GPR37L1: variants seen among roughly 807,000 people sequenced by gnomAD.
GPR37L1 encodes G protein-coupled receptor 37 like 1, also known as G protein-coupled receptor 37-like 1.
In GPR37L1, 18 loss-of-function variants were observed where a neutral mutation model predicts 18.0. That is an observed-to-expected ratio of 1.00 (90% confidence interval 0.69 to 1.49). GPR37L1 has a LOEUF of 1.49. Ranked by LOEUF, GPR37L1 falls within the 40% of genes most tolerant of loss-of-function variation. GPR37L1 has a pLI of 0.00. For synonymous variants in GPR37L1, 256 were observed against 273.9 expected (o/e 0.93, Z 0.65); for missense variants, 558 against 615.1 (o/e 0.91, Z 0.98).
chr1:202,126,463 G>A (rs905819907), intron 1 of GPR37L1, among the ~76,000 whole-genome samples: 1 of 151,902 alleles, frequency 6.6e-6, no homozygotes, highest in African/African-American at 2.4e-5. Flanking sequence ...CTGTGCCTCT[G>A]CAGGCCTGGG....
At chr1:202,125,135 CAG>C (rs1459708743) in intron 1 of GPR37L1, among the ~76,000 whole-genome samples, 1 of 100,128 alleles carries the variant, frequency 1.0e-5, no homozygotes, top group African/African-American at 4.6e-5. Flanking sequence ...GCCTGGGTGA[CAG>C]AGTGAAATTC....
chr1:202,126,852 T>TGTGTGTGTGTGTGTGTGTGC (rs1227969321), intron 1 of GPR37L1, among the ~76,000 whole-genome samples: 2 of 151,574 alleles, frequency 1.3e-5, no homozygotes, highest in African/African-American at 4.8e-5. Flanking sequence ...TGTGTGTGTG[T>TGTGTGTGTGTGTGTGTGTGC]GTGTGTGTGT....
At chr1:202,126,838 C>CGT (rs111909066) in intron 1 of GPR37L1, among the ~76,000 whole-genome samples, 15,161 of 146,232 alleles carry the variant, frequency 0.1, 1,010 homozygotes, top group African/African-American at 0.19. Context: ...CAGAAACGTG[C>CGT]GTGTGTGTGT....
At chr1:202,125,878 C>A (rs546470055) in intron 1 of GPR37L1, among the ~76,000 whole-genome samples, 1 of 152,150 alleles carries the variant, frequency 6.6e-6, no homozygotes, top group Non-Finnish European at 1.5e-5. Flanking sequence ...TGTGGTACCA[C>A]GCCCGGCTAA....
In GPR37L1 at chr1:202,131,155, G is replaced by C. The variant is rs4950770; in HGVS notation, c.*2599G>C. 19,065 of 152,218 alleles carry C rather than the reference G, an allele frequency of 0.13. 1,808 individuals are homozygous for C. Among genetic ancestry groups the C allele is most frequent in the East Asian group, 0.34 (1,745 of 5,150 alleles). The allele number at this position is 152,218 out of a possible 1,614,324, so 9.4% of individuals were successfully genotyped here. A position where few individuals can be genotyped will look rare whatever the true frequency, so the allele number is the denominator to read the frequency against. On this transcript the variant is annotated 3_prime_UTR_variant, in exon 2 of 2. Transcript: ENST00000367282. ...TGGGCAGTGGACTTGAGCTGGGATG[G>C]TCTGAGGGGGCACTGACACGCTCAC...
In GPR37L1 at chr1:202,130,468, G is replaced by C. The variant is rs1019780209; in HGVS notation, c.*1912G>C. ...CTCCCCCTCTCCTGGGGATCTTAAC[G>C]GCCTTGTTCTCTCTCCCTGGCACCC... is the stretch of plus-strand genomic sequence containing the variant. On this transcript the variant is annotated 3_prime_UTR_variant, in exon 2 of 2. Coordinates refer to ENST00000367282, the MANE Select transcript of GPR37L1 (RefSeq NM_004767.5). 6.6e-6 allele frequency: 1 copy of C among 152,346 alleles called. No individual in the cohort carries two copies. Among genetic ancestry groups the C allele is most frequent in the Non-Finnish European group, 1.5e-5 (1 of 68,150 alleles). 9.4% of individuals were successfully genotyped at this position (152,346 alleles called of 1,614,324 possible).
Position 202,132,884 on chromosome 1 carries a change from A to T in GPR37L1, c.*4328A>T, listed in dbSNP as rs549198760. On this transcript the variant is annotated 3_prime_UTR_variant, in exon 2 of 2. Coordinates refer to ENST00000367282, the MANE Select transcript of GPR37L1 (RefSeq NM_004767.5). ...TAACTGAGAGGCAGCAAAGGCGGTGACACTCCCCCAGGCTCTGTGGGCCCA... is the reference window on the plus strand; with the variant it reads ...TAACTGAGAGGCAGCAAAGGCGGTGTCACTCCCCCAGGCTCTGTGGGCCCA... 2 of 152,524 alleles carry T rather than the reference A, an allele frequency of 1.3e-5. No homozygotes were observed. The highest frequency in any genetic ancestry group is 3.9e-4 in the East Asian group (2 of 5,168). 9.4% of individuals were successfully genotyped at this position (152,524 alleles called of 1,614,324 possible). A position where few individuals can be genotyped will look rare whatever the true frequency, so the allele number is the denominator to read the frequency against.
chr1:202,128,599 C>A lies in GPR37L1; in HGVS notation c.*43C>A. ...GGAGGGAGGGAGAGGCCGCCACCCC[C>A]GCCGGTGTCTGCTGTTCTTTCCCCA... On this transcript the variant is annotated 3_prime_UTR_variant, in exon 2 of 2. Transcript: ENST00000367282. 2 of 1,160,976 alleles carry A rather than the reference C, an allele frequency of 1.7e-6. No homozygotes were observed. Among genetic ancestry groups the A allele is most frequent in the Non-Finnish European group, 1.2e-6 (1 of 817,538 alleles). 71.9% of individuals were successfully genotyped at this position (1,160,976 alleles called of 1,614,324 possible).
At position 202,123,044 on chromosome 1, in the gene GPR37L1, C is replaced by T. The variant is rs529894072; in HGVS notation, c.81C>T (p.Pro27=). Residue 27 remains proline (P), a synonymous_variant, in exon 1 of 2, where the codon CCC becomes CCT. Coordinates refer to ENST00000367282, the MANE Select transcript of GPR37L1 (RefSeq NM_004767.5). ...VGLSRVSGGA[P]LHLGRHRAET... is the part of the protein sequence containing the mutation. ...TAAGCAGGGTCTCTGGGGGTGCCCC[C>T]CTGCACCTGGGCAGGCACAGAGCCG... 1.0e-4 allele frequency: 166 copies of T among 1,613,662 alleles called. 3 individuals carry two copies. In the South Asian group the frequency reaches 1.3e-3, roughly 13 times the overall value.
Position 202,123,036 on chromosome 1 carries a change from G to A in GPR37L1, c.73G>A (p.Gly25Ser), listed in dbSNP as rs145080702. Residue 25 changes from glycine to serine, a missense_variant, in exon 1 of 2, where the codon GGT becomes AGT. Physicochemically the swap from Gly to Ser is moderately conservative, Grantham distance 56 (BLOSUM62 0). Transcript: ENST00000367282. ...TGTGGGGCTAAGCAGGGTCTCTGGG[G>A]GTGCCCCCCTGCACCTGGGCAGGCA... is the stretch of plus-strand genomic sequence containing the variant. ...LAVGLSRVSGGAPLHLGRHRA... is the reference protein window; with the variant it reads ...LAVGLSRVSGSAPLHLGRHRA... 8 of 1,613,588 alleles carry A rather than the reference G, an allele frequency of 5.0e-6. No individual in the cohort carries two copies. Among genetic ancestry groups the A allele is most frequent in the Non-Finnish European group, 6.8e-6 (8 of 1,180,004 alleles).
chr1:202,131,597 GT>G lies in GPR37L1; in HGVS notation c.*3042del, dbSNP rs1260746894. The G allele has an allele frequency of 6.6e-6, 1 of 151,622 alleles. No homozygotes were observed. The highest frequency in any genetic ancestry group is 2.4e-5 in the African/African-American group (1 of 41,032). 9.4% of individuals were successfully genotyped at this position (151,622 alleles called of 1,614,324 possible). A position where few individuals can be genotyped will look rare whatever the true frequency, so the allele number is the denominator to read the frequency against. On this transcript the variant is annotated 3_prime_UTR_variant, in exon 2 of 2. Coordinates refer to ENST00000367282, the MANE Select transcript of GPR37L1 (RefSeq NM_004767.5). The stretch of plus-strand genomic sequence containing the variant: ...CCCATTCAACTTTAATAGGTTATGT[GT>G]GTTTTTTTTTTCTTAAGAGCTGGGT...
At chr1:202,124,407 C>T (rs149427361) in intron 1 of GPR37L1, among the ~76,000 whole-genome samples, 11 of 152,338 alleles carry the variant, frequency 7.2e-5, no homozygotes, top group South Asian at 2.1e-4. Context: ...AAGTATACCA[C>T]TATGCCCTTA....
chr1:202,122,981 C>G lies in GPR37L1; in HGVS notation c.18C>G (p.Pro6=), dbSNP rs373669982. 2 of 1,612,872 alleles carry G rather than the reference C, an allele frequency of 1.2e-6. No homozygotes were observed. The highest frequency in any genetic ancestry group is 1.3e-5 in the African/African-American group (1 of 74,918). The stretch of plus-strand genomic sequence containing the variant: ...ATCCAGCCATGCGGTGGCTGTGGCC[C>G]CTGGCTGTCTCTCTTGCTGTGATTT... MRWLW[P]LAVSLAVILA... Residue 6 remains proline (P), a synonymous_variant, in exon 1 of 2, where the codon CCC becomes CCG. Coordinates refer to ENST00000367282, the MANE Select transcript of GPR37L1 (RefSeq NM_004767.5).
rs143016403 is a variant in GPR37L1 at position 202,123,067 on chromosome 1, C to T, written c.104C>T (p.Ala35Val). The T allele has an allele frequency of 4.3e-6, 7 of 1,613,744 alleles. No individual in the cohort carries two copies. Among genetic ancestry groups the T allele is most frequent in the Non-Finnish European group, 5.1e-6 (6 of 1,179,966 alleles). The change falls in exon 1 of 2, where the codon GCC becomes GTC. Residue 35 changes from alanine (A) to valine (V), a missense_variant. By Grantham distance (64) the Ala-to-Val change is moderately conservative (BLOSUM62 0). Coordinates refer to ENST00000367282, the MANE Select transcript of GPR37L1 (RefSeq NM_004767.5). ...CCCCTGCACCTGGGCAGGCACAGAG[C>T]CGAGACCCAGGAGCAGCAGAGCCGA... ...GAPLHLGRHR[A>V]ETQEQQSRSK...
Position 202,127,974 on chromosome 1 carries a change from G to A in GPR37L1, c.864G>A (p.Met288Ile). The change falls in exon 2 of 2, where the codon ATG (methionine) becomes ATA (isoleucine). Residue 288 changes from methionine to isoleucine, a missense_variant. Met to Ile is a conservative substitution (Grantham distance 10). Transcript: ENST00000367282. ...PTMGTLDSCI[M>I]KPSASLPESL... Reference sequence around the variant, plus strand: ...TGGGCACCCTGGACTCATGCATCATGAAACCCTCAGCCAGCCTGCCCGAGT... The same window carrying A: ...TGGGCACCCTGGACTCATGCATCATAAAACCCTCAGCCAGCCTGCCCGAGT... The A allele has an allele frequency of 6.2e-7, 1 of 1,614,128 alleles. No homozygotes were observed. Among genetic ancestry groups the A allele is most frequent in the Non-Finnish European group, 8.5e-7 (1 of 1,180,012 alleles).
chr1:202,123,023 C>A lies in GPR37L1; in HGVS notation c.60C>A (p.Ser20Arg). Residue 20 changes from serine (S) to arginine (R), a missense_variant, in exon 1 of 2, where the codon AGC (serine) becomes AGA (arginine). By Grantham distance (110) the Ser-to-Arg change is moderately radical. Coordinates refer to ENST00000367282, the MANE Select transcript of GPR37L1 (RefSeq NM_004767.5). ...SLAVILAVGL[S>R]RVSGGAPLHL... is the part of the protein sequence containing the mutation. ...CTGTGATTTTGGCTGTGGGGCTAAGCAGGGTCTCTGGGGGTGCCCCCCTGC... is the reference window on the plus strand; with the variant it reads ...CTGTGATTTTGGCTGTGGGGCTAAGAAGGGTCTCTGGGGGTGCCCCCCTGC... The A allele has an allele frequency of 6.2e-7, 1 of 1,613,552 alleles. No individual in the cohort carries two copies. Among genetic ancestry groups the A allele is most frequent in the South Asian group, 1.1e-5 (1 of 91,052 alleles).
At position 202,131,157 on chromosome 1, in the gene GPR37L1, C is replaced by T. The variant is rs1413921409; in HGVS notation, c.*2601C>T. 2 of 152,288 alleles carry T rather than the reference C, an allele frequency of 1.3e-5. No individual in the cohort carries two copies. Among genetic ancestry groups the T allele is most frequent in the African/African-American group, 4.8e-5 (2 of 41,532 alleles). The allele number at this position is 152,288 out of a possible 1,614,324, so 9.4% of individuals were successfully genotyped here. ...GGCAGTGGACTTGAGCTGGGATGGT[C>T]TGAGGGGGCACTGACACGCTCACCC... On this transcript the variant is annotated 3_prime_UTR_variant, in exon 2 of 2. Transcript: ENST00000367282.
rs1008369684 is a variant in GPR37L1 at position 202,123,029 on chromosome 1, C to A, written c.66C>A (p.Val22=). The part of the protein sequence containing the change: ...AVILAVGLSR[V]SGGAPLHLGR... ...TTTTGGCTGTGGGGCTAAGCAGGGT[C>A]TCTGGGGGTGCCCCCCTGCACCTGG... is the stretch of plus-strand genomic sequence containing the variant. The change falls in exon 1 of 2, where the codon GTC becomes GTA. Residue 22 remains valine, a synonymous_variant. Coordinates refer to ENST00000367282, the MANE Select transcript of GPR37L1 (RefSeq NM_004767.5). 3.7e-6 allele frequency: 6 copies of A among 1,613,464 alleles called. No homozygotes were observed. Among genetic ancestry groups the A allele is most frequent in the Non-Finnish European group, 5.1e-6 (6 of 1,180,018 alleles).
chr1:202,126,270 T>A (rs1382069389), intron 1 of GPR37L1, among the ~76,000 whole-genome samples: 1 of 151,908 alleles, frequency 6.6e-6, no homozygotes, highest in East Asian at 1.9e-4. Context: ...TAGCTGGGTG[T>A]GGTGGCGCAC....
Sources: gnomAD v4.1 joint callset for allele counts (sites outside exome capture counted in the v4.1 genomes callset) on GRCh38, gnomAD v4.1.1 for gene constraint, MANE v1.5 for transcripts, NCBI Gene and HGNC (gene_info 2026-07-23, HGNC 2026-07-21) for gene names.